Variants in PRDM16 observed in about 807,000 individuals in gnomAD.
PRDM16 encodes the protein histone-lysine N-methyltransferase PRDM16.
Under a neutral mutation model 110.6 loss-of-function variants are expected in PRDM16, and 23 were observed. The ratio of observed to expected loss-of-function variants is 0.21; its 90% CI spans 0.15 to 0.29. The LOEUF (loss-of-function observed/expected upper bound fraction) is 0.29. PRDM16 is among the 10% of genes least tolerant of loss of function. The probability of loss-of-function intolerance (pLI) is 1.00; values close to 1 mark genes in which losing one functional copy is unlikely to be tolerated. For synonymous variants in PRDM16, 799 were observed against 781.8 expected, an observed-to-expected ratio of 1.02 and a Z score of -0.37; for missense variants, 1,615 against 1,794.3, an observed-to-expected ratio of 0.90 and a Z score of 1.81.
In PRDM16 at chr1:3,395,300, G is replaced by A. The variant is rs539436500; in HGVS notation, c.574-1191G>A. ...TGCTGGAGAGCCTGGCCTGACACAG[G>A]ATGGTCAGTGGGGATGGGAGTGTCA... is the stretch of plus-strand genomic sequence containing the variant. On this transcript the variant is annotated intron_variant, in intron 4 of 16. Transcript: ENST00000270722. Among the ~76,000 whole-genome samples, 239 of 152,280 alleles carry A rather than the reference G, an allele frequency of 1.6e-3. 1 individual carries two copies. The highest frequency in any genetic ancestry group is 2.5e-3 in the Admixed American group (39 of 15,304).
intron 1 of PRDM16, among the ~76,000 whole-genome samples, chr1:3,083,562 G>A (rs575845718): frequency 3.0e-5 from 4 of 135,436 alleles, no homozygotes; most frequent in East Asian, 5.3e-4. Context: ...GCGGAGGGAT[G>A]CCCTGCAGGT....
intron 1 of PRDM16, among the ~76,000 whole-genome samples, chr1:3,099,011 G>A (rs1642471572): frequency 6.6e-6 from 1 of 152,250 alleles, no homozygotes; most frequent in African/African-American, 2.4e-5. Context: ...GGCTGAGTAG[G>A]AGGGTTGGGC....
At chr1:3,192,226 G>A (rs1337720454) in intron 2 of PRDM16, among the ~76,000 whole-genome samples, 2 of 152,176 alleles carry the variant, frequency 1.3e-5, no homozygotes, top group East Asian at 3.9e-4. Flanking sequence ...CTAAGGATGG[G>A]GATCATCCGT....
intron 1 of PRDM16, among the ~76,000 whole-genome samples, chr1:3,117,771 G>A (rs545538457): frequency 6.6e-6 from 1 of 152,170 alleles, no homozygotes; most frequent in East Asian, 2.0e-4. Flanking sequence ...GTGCTCCAGC[G>A]ATCAGGTGCT....
At chr1:3,426,023 G>A (rs373117534) in intron 13 of PRDM16, 28 bp from the exon 14 acceptor site, 25 of 1,595,414 alleles carry the variant, frequency 1.6e-5, no homozygotes, top group African/African-American at 8.1e-5. Flanking sequence ...GCGAGAGGCC[G>A]CCCCCTGATG....
intron 1 of PRDM16, among the ~76,000 whole-genome samples, chr1:3,106,222 C>T (rs927095433): frequency 2.6e-5 from 4 of 152,228 alleles, no homozygotes; most frequent in African/African-American, 9.6e-5. Flanking sequence ...GAGCAGGTGG[C>T]CAGGTCTGCA....
intron 8 of PRDM16, among the ~76,000 whole-genome samples, chr1:3,408,265 G>A (rs553371403): frequency 1.3e-5 from 2 of 152,330 alleles, no homozygotes; most frequent in East Asian, 3.9e-4. Context: ...AGACGGAGGG[G>A]GTGTCATTCC....
rs576598023 is a variant in PRDM16, at chr1:3,277,785, A to G, written c.438+33648A>G. On this transcript the variant is annotated intron_variant, in intron 3 of 16. Transcript: ENST00000270722. ...CACACGCGCACACACACGCACACAT[A>G]TGCACACACAAACGCACAGTTGTGA... Among the ~76,000 whole-genome samples the G allele has an allele frequency of 1.3e-3, 122 of 94,920 alleles. 1 individual carries two copies. The highest frequency in any genetic ancestry group is 3.9e-3 in the South Asian group (14 of 3,560). 62.3% of individuals were successfully genotyped at this position (94,920 alleles called of 152,430 possible). A position where few individuals can be genotyped will look rare whatever the true frequency, so the allele number is the denominator to read the frequency against.
chr1:3,305,647 C>T (rs1321781165), intron 3 of PRDM16, among the ~76,000 whole-genome samples: 1 of 152,226 alleles, frequency 6.6e-6, no homozygotes, highest in Non-Finnish European at 1.5e-5. Flanking sequence ...TCAAAGGCCC[C>T]CTGGCAGGGC....
At chr1:3,188,972 G>A (rs2100803523) in intron 2 of PRDM16, among the ~76,000 whole-genome samples, 1 of 152,350 alleles carries the variant, frequency 6.6e-6, no homozygotes, top group East Asian at 1.9e-4. Flanking sequence ...CCCTTAAGCA[G>A]CCTTCCCAGA....
At chr1:3,131,904 C>A (rs1162164143) in intron 1 of PRDM16, among the ~76,000 whole-genome samples, 1 of 152,216 alleles carries the variant, frequency 6.6e-6, no homozygotes, top group Admixed American at 6.5e-5. Context: ...CCTAGATAAG[C>A]CTGTTAAATT....
intron 8 of PRDM16, 127 bp downstream of exon 8, chr1:3,405,775 C>T: frequency 1.0e-6 from 1 of 958,116 alleles, no homozygotes; most frequent in South Asian, 1.9e-5. Context: ...ATAAAGCACT[C>T]ATGGCAGGTT....
chr1:3,381,173 C>T (rs1643095259), intron 3 of PRDM16, among the ~76,000 whole-genome samples: 1 of 152,206 alleles, frequency 6.6e-6, no homozygotes, highest in African/African-American at 2.4e-5. Flanking sequence ...CACACACATA[C>T]ATACATGCAC....
intron 1 of PRDM16, among the ~76,000 whole-genome samples, chr1:3,137,205 G>A (rs1215219249): frequency 6.6e-6 from 1 of 152,250 alleles, no homozygotes; most frequent in Non-Finnish European, 1.5e-5. Flanking sequence ...TCCAGGGACC[G>A]AGAGCAGGGC....
At position 3,405,715 on chromosome 1, in the gene PRDM16, G is replaced by A. The variant is rs534869994; in HGVS notation, c.1186+67G>A. 5 of 1,462,806 alleles carry A rather than the reference G, an allele frequency of 3.4e-6. No homozygotes were observed. In the African/African-American group the frequency reaches 4.3e-5, roughly 13 times the overall value. The allele number at this position is 1,462,806 out of a possible 1,614,324, so 90.6% of individuals were successfully genotyped here. The stretch of plus-strand genomic sequence containing the variant: ...CGGATGCCGTGGCGGTCGGGCCGAG[G>A]TGGGCCATCCCCCAAGGTCTCCCCC... On this transcript the variant is annotated intron_variant, in intron 8 of 16. Transcript: ENST00000270722.
At chr1:3,322,802 G>T (rs1014018561) in intron 3 of PRDM16, among the ~76,000 whole-genome samples, 2 of 152,212 alleles carry the variant, frequency 1.3e-5, no homozygotes, top group African/African-American at 4.8e-5. Flanking sequence ...TGCTCAGGAC[G>T]CACCACCCTG....
chr1:3,196,145 G>A (rs1427398511), intron 2 of PRDM16, among the ~76,000 whole-genome samples: 1 of 152,226 alleles, frequency 6.6e-6, no homozygotes, highest in Non-Finnish European at 1.5e-5. Flanking sequence ...AGGTGGGAGA[G>A]GCACAGGTGA....
chr1:3,293,253 A>G (rs1387132810), intron 3 of PRDM16, among the ~76,000 whole-genome samples: 1 of 152,262 alleles, frequency 6.6e-6, no homozygotes, highest in Non-Finnish European at 1.5e-5. Flanking sequence ...TGAAGCCTAC[A>G]GAAAGCCAAG....
At chr1:3,113,442 T>C (rs1324672727) in intron 1 of PRDM16, among the ~76,000 whole-genome samples, 1 of 141,030 alleles carries the variant, frequency 7.1e-6, no homozygotes, top group Non-Finnish European at 1.5e-5. Context: ...CTGCACTTAC[T>C]AGGTGCTTAG....
Sources: gnomAD v4.1 joint callset for allele counts (sites outside exome capture counted in the v4.1 genomes callset) on GRCh38, gnomAD v4.1.1 for gene constraint, MANE v1.5 for transcripts, NCBI Gene and HGNC (gene_info 2026-07-23, HGNC 2026-07-21) for gene names.